The following ACSL3 variants were observed in gnomAD, a reference collection of about 807,000 sequenced individuals.
ACSL3 encodes the protein acyl-CoA synthetase long chain family member 3.
A neutral mutation model predicts 84.7 loss-of-function variants in ACSL3; 34 were observed. The ratio of observed to expected loss-of-function variants is 0.40; its 90% CI spans 0.31 to 0.53. The LOEUF (loss-of-function observed/expected upper bound fraction) is 0.53. Ranked by LOEUF, ACSL3 falls within the 20% of genes least tolerant of loss-of-function variation. The pLI, the probability that ACSL3 is intolerant of heterozygous loss-of-function variation, is 0.48. For missense variants in ACSL3, 680 were observed against 873.1 expected, an observed-to-expected ratio of 0.78 and a Z score of 2.79; for synonymous variants, 315 against 299.4, an observed-to-expected ratio of 1.05 and a Z score of -0.54.
At chr2:222,883,558 G>A (rs1160722906) in intron 1 of ACSL3, among the ~76,000 whole-genome samples, 1 of 152,098 alleles carries the variant, frequency 6.6e-6, no homozygotes, top group East Asian at 1.9e-4. Context: ...GCTCTGTCTA[G>A]AAGTCAGTTA....
rs375855613 is a variant in ACSL3 at position 222,923,857 on chromosome 2, C to T, written c.1153-599C>T. 2.4e-4 allele frequency among the ~76,000 whole-genome samples: 36 copies of T among 152,054 alleles called. No individual in the cohort carries two copies. The East Asian group carries it at 5.8e-3, about 24-fold the overall frequency. The stretch of plus-strand genomic sequence containing the variant: ...AAATTCTTAGTTCACTTAAAAATGA[C>T]GTACAATTTAAAGTTGTGGAGGAAA... On this transcript the variant is annotated intron_variant, in intron 10 of 16. Coordinates refer to ENST00000357430, the MANE Select transcript of ACSL3 (RefSeq NM_004457.5).
chr2:222,863,526 A>G (rs1302543408), intron 1 of ACSL3, among the ~76,000 whole-genome samples: 2 of 152,216 alleles, frequency 1.3e-5, no homozygotes, highest in Admixed American at 6.5e-5. Flanking sequence ...TAGTCCTCTA[A>G]TACTTTCTCC....
intron 3 of ACSL3, among the ~76,000 whole-genome samples, chr2:222,901,948 A>AG (rs1696163289): frequency 2.7e-5 from 1 of 37,456 alleles, no homozygotes; most frequent in African/African-American, 1.8e-4. Context: ...GGTCTCAAAA[A>AG]AAAAAAAAAA....
chr2:222,887,956 A>G (rs938565421), intron 2 of ACSL3, 68 bp downstream of exon 2: 9 of 152,282 alleles, frequency 5.9e-5, no homozygotes, highest in Non-Finnish European at 1.2e-4. Flanking sequence ...TTAAGTTAAA[A>G]CCAATTATGG....
At chr2:222,905,076 A>G (rs1696256333) in intron 3 of ACSL3, 1 of 152,308 alleles carries the variant, frequency 6.6e-6, no homozygotes, top group African/African-American at 2.4e-5. Context: ...CCCAGGTGAG[A>G]TTTTGAAAAG....
chr2:222,872,958 A>C (rs1191090834), intron 1 of ACSL3, among the ~76,000 whole-genome samples: 1 of 152,182 alleles, frequency 6.6e-6, no homozygotes, highest in African/African-American at 2.4e-5. Context: ...CACAGCATGC[A>C]TGAGACAGAA....
chr2:222,924,334 A>G, intron 10 of ACSL3, 122 bp from the exon 11 acceptor site: 1 of 824,732 alleles, frequency 1.2e-6, no homozygotes, highest in Non-Finnish European at 1.7e-6. Flanking sequence ...AATCACATCC[A>G]CAGTTGAAGA....
intron 16 of ACSL3, among the ~76,000 whole-genome samples, chr2:222,936,055 G>C (rs1395007232): frequency 6.6e-6 from 1 of 152,038 alleles, no homozygotes; most frequent in Non-Finnish European, 1.5e-5. Flanking sequence ...TGTATCTTCA[G>C]GGTTTATTCA....
chr2:222,877,745 A>G (rs1360026831), intron 1 of ACSL3, among the ~76,000 whole-genome samples: 1 of 152,214 alleles, frequency 6.6e-6, no homozygotes, highest in Non-Finnish European at 1.5e-5. Context: ...CACTACCCAG[A>G]ATTGTGAGTC....
At chr2:222,877,826 A>G (rs1695489129) in intron 1 of ACSL3, among the ~76,000 whole-genome samples, 1 of 152,236 alleles carries the variant, frequency 6.6e-6, no homozygotes, top group Admixed American at 6.5e-5. Context: ...TATTTAAGTT[A>G]ATAAAATTTC....
Position 222,942,798 on chromosome 2 carries a change from A to C in ACSL3, c.*1144A>C. 4.5e-6 allele frequency: 1 copy of C among 219,786 alleles called. No individual in the cohort carries two copies. The highest frequency in any genetic ancestry group is 2.2e-5 in the African/African-American group (1 of 44,788). The allele number at this position is 219,786 out of a possible 1,614,324, so 13.6% of individuals were successfully genotyped here. On this transcript the variant is annotated 3_prime_UTR_variant, in exon 17 of 17. Transcript: ENST00000357430. The stretch of plus-strand genomic sequence containing the variant: ...GAATGTATTTGATGATAGCATTCTC[A>C]CTAAGACACATGAGAATTTAACTTT...
chr2:222,911,223 G>T (rs1696432739), intron 4 of ACSL3, among the ~76,000 whole-genome samples: 1 of 151,866 alleles, frequency 6.6e-6, no homozygotes, highest in African/African-American at 2.4e-5. Context: ...CTAATTTTGT[G>T]TTTTTAGTAG....
chr2:222,893,524 C>T (rs1695891917), intron 2 of ACSL3, among the ~76,000 whole-genome samples: 1 of 152,066 alleles, frequency 6.6e-6, no homozygotes, highest in South Asian at 2.1e-4. Flanking sequence ...ATCTCTCTTG[C>T]GCCTAAGAGA....
At chr2:222,924,702 T>G (rs1696828772) in intron 11 of ACSL3, 107 bp downstream of exon 11, 1 of 1,251,370 alleles carries the variant, frequency 8.0e-7, no homozygotes, top group Admixed American at 2.9e-5. Flanking sequence ...GAAATATATT[T>G]CATAAAGTCA....
rs755301527 is a variant in ACSL3, at chr2:222,930,839, ATGAATG to A, written c.1732+29_1732+34del. ...TAAGTCATCTAATATTTTTTTGAAA[ATGAATG>A]TTTCTGAAATAGTTTACACAAGAAG... On this transcript the variant is annotated intron_variant, in intron 14 of 16. Coordinates refer to ENST00000357430, the MANE Select transcript of ACSL3 (RefSeq NM_004457.5). 1.4e-5 allele frequency: 22 copies of A among 1,566,102 alleles called. No individual in the cohort carries two copies. The African/African-American group carries it at 2.9e-4, about 20-fold the overall frequency.
At chr2:222,938,744 C>T (rs1210126601) in intron 16 of ACSL3, among the ~76,000 whole-genome samples, 5 of 152,116 alleles carry the variant, frequency 3.3e-5, no homozygotes, top group Non-Finnish European at 1.5e-5. Context: ...TCTTCTTTTT[C>T]TGAACTCCTA....
intron 4 of ACSL3, among the ~76,000 whole-genome samples, chr2:222,915,626 G>A (rs1217255063): frequency 6.6e-6 from 1 of 152,180 alleles, no homozygotes; most frequent in Non-Finnish European, 1.5e-5. Context: ...TTTTACTAAT[G>A]CATATTTGGT....
At chr2:222,929,029 C>A in intron 13 of ACSL3, 93 bp downstream of exon 13, 1 of 942,488 alleles carries the variant, frequency 1.1e-6, no homozygotes, top group Non-Finnish European at 1.7e-6. Flanking sequence ...TGTAAACACC[C>A]ATAAGTGCTC....
At chr2:222,927,338 C>T (rs1258308435) in intron 12 of ACSL3, 149 bp downstream of exon 12, 1 of 770,868 alleles carries the variant, frequency 1.3e-6, no homozygotes, top group Non-Finnish European at 1.9e-6. Flanking sequence ...TCATTGATAT[C>T]AATTTTTAGA....
Sources: gnomAD v4.1 joint callset for allele counts (sites outside exome capture counted in the v4.1 genomes callset) on GRCh38, gnomAD v4.1.1 for gene constraint, MANE v1.5 for transcripts, NCBI Gene and HGNC (gene_info 2026-07-23, HGNC 2026-07-21) for gene names.